The following KIAA1217 variants were observed in gnomAD, a reference collection of about 807,000 sequenced individuals.
The protein encoded by KIAA1217 is KIAA1217, also known as sickle tail protein homolog.
In KIAA1217, 88 loss-of-function variants were observed where a neutral mutation model predicts 163.9. That is an observed-to-expected ratio of 0.54 (90% CI 0.45 to 0.64). The LOEUF is 0.64. Among genes scored for constraint, KIAA1217 ranks in the 30% least tolerant of loss-of-function variants. The pLI is 0.00. For missense variants in KIAA1217, 2,372 were observed against 2,475.0 expected (o/e 0.96, Z 0.88); for synonymous variants, 903 against 923.1 (o/e 0.98, Z 0.39).
intron 2 of KIAA1217, chr10:24,275,864 A>G (rs2077229300): frequency 2.2e-6 from 1 of 445,588 alleles, no homozygotes; most frequent in Non-Finnish European, 4.5e-6. Context: ...GGAGCAAACT[A>G]TAGCAAGGGC....
chr10:24,205,231 C>T (rs1464249446), upstream of KIAA1217, among the ~76,000 whole-genome samples: 4 of 140,178 alleles, frequency 2.9e-5, no homozygotes, highest in East Asian at 2.2e-4. Flanking sequence ...CCAAGGTGGG[C>T]GAATTACCTG....
At chr10:23,832,077 A>G (rs1017363440) in intron 1 of KIAA1217, among the ~76,000 whole-genome samples, 2 of 152,050 alleles carry the variant, frequency 1.3e-5, no homozygotes, top group Non-Finnish European at 1.5e-5. Context: ...AGATAGTGTC[A>G]GATCTCTCAG....
chr10:23,827,683 T>C (rs1168215824), intron 1 of KIAA1217, among the ~76,000 whole-genome samples: 2 of 152,226 alleles, frequency 1.3e-5, no homozygotes, highest in East Asian at 3.9e-4. Context: ...GAGCAGGCTC[T>C]TGAATTCCTC....
intron 2 of KIAA1217, among the ~76,000 whole-genome samples, chr10:24,337,631 TTTTCTTTTCTTTTCTTTTC>T (rs1312991743): frequency 0.054 from 3,437 of 63,486 alleles, 182 homozygotes; most frequent in African/African-American, 0.18. Context: ...TTTTCTTTTC[TTTTCTTTTCTTTTCTTTTC>T]TTTTTTTTTT....
intron 2 of KIAA1217, among the ~76,000 whole-genome samples, chr10:24,009,866 A>T (rs1187724641): frequency 6.6e-6 from 1 of 152,096 alleles, no homozygotes; most frequent in African/African-American, 2.4e-5. Context: ...GCTCTCAAAG[A>T]CTTACTCTGT....
At position 24,381,022 on chromosome 10, in the gene KIAA1217, C is replaced by T. The variant is rs753949598; in HGVS notation, c.508C>T (p.Leu170Phe). The T allele has an allele frequency of 4.4e-6, 7 of 1,604,818 alleles. No individual in the cohort carries two copies. Among genetic ancestry groups the T allele is most frequent in the Non-Finnish European group, 6.0e-6 (7 of 1,174,716 alleles). The change falls in exon 3 of 21, where the codon CTT (leucine) becomes TTT (phenylalanine). Residue 170 changes from leucine to phenylalanine, a missense_variant. By Grantham distance (22) the Leu-to-Phe change is conservative. Coordinates refer to ENST00000376454, the MANE Select transcript of KIAA1217 (RefSeq NM_019590.5). ...CAGAGGCAGCCGGACTCGTGCGAGC[C>T]TTCCTGTGGTGAGGTCAACCAACCA... ...FSRGSRTRAS[L>F]PVVRSTNQTK...
At chr10:24,121,865 A>G (rs939446670) in intron 2 of KIAA1217, among the ~76,000 whole-genome samples, 1 of 152,112 alleles carries the variant, frequency 6.6e-6, no homozygotes, top group Non-Finnish European at 1.5e-5. Context: ...CCTTTATTAC[A>G]TACTCAATGA....
At chr10:24,292,458 C>T (rs2079173209) in intron 2 of KIAA1217, among the ~76,000 whole-genome samples, 1 of 152,158 alleles carries the variant, frequency 6.6e-6, no homozygotes, top group African/African-American at 2.4e-5. Flanking sequence ...TTGCCTCACT[C>T]ATCAGAAGTA....
chr10:24,397,106 CTCT>C (rs1221813740), intron 3 of KIAA1217, among the ~76,000 whole-genome samples: 5 of 138,246 alleles, frequency 3.6e-5, no homozygotes, highest in Admixed American at 2.2e-4. Flanking sequence ...ATGTAAGAAA[CTCT>C]TTTTTTTTTT....
At chr10:23,994,043 C>T (rs974871824) in intron 1 of KIAA1217, among the ~76,000 whole-genome samples, 17 of 152,160 alleles carry the variant, frequency 1.1e-4, no homozygotes, top group Non-Finnish European at 1.0e-4. Context: ...AGTACCAAGG[C>T]TTAGCGACTA....
chr10:23,934,557 G>T (rs1589105993), intron 1 of KIAA1217, among the ~76,000 whole-genome samples: 1 of 44,348 alleles, frequency 2.3e-5, no homozygotes, highest in Non-Finnish European at 3.9e-5. Flanking sequence ...GGTCTTTAAA[G>T]TATATATATA....
At chr10:24,274,237 GGCTCACACCTATAATCCCA>G (rs2077046068) in intron 2 of KIAA1217, among the ~76,000 whole-genome samples, 1 of 152,150 alleles carries the variant, frequency 6.6e-6, no homozygotes, top group Admixed American at 6.5e-5. Context: ...CAGGCACAAT[GGCTCACACCTATAATCCCA>G]GCATTTTGGG....
intron 1 of KIAA1217, among the ~76,000 whole-genome samples, chr10:23,935,129 A>G (rs559463369): frequency 1.3e-5 from 2 of 152,292 alleles, no homozygotes; most frequent in African/African-American, 4.8e-5. Flanking sequence ...TGAGTGATGT[A>G]CATAAGTACA....
chr10:24,510,782 C>G (rs1168038432), intron 9 of KIAA1217, among the ~76,000 whole-genome samples: 1 of 152,110 alleles, frequency 6.6e-6, no homozygotes, highest in African/African-American at 2.4e-5. Context: ...CTGCCACATC[C>G]CCGCAGTGAG....
At chr10:24,150,507 C>G (rs1006149250) in intron 2 of KIAA1217, among the ~76,000 whole-genome samples, 9 of 152,208 alleles carry the variant, frequency 5.9e-5, no homozygotes, top group Non-Finnish European at 1.0e-4. Flanking sequence ...TTGAAGCCAT[C>G]CTGGAGGAGT....
chr10:23,781,488 C>T (rs1366999291), intron 1 of KIAA1217, among the ~76,000 whole-genome samples: 1 of 152,138 alleles, frequency 6.6e-6, no homozygotes, highest in Non-Finnish European at 1.5e-5. Flanking sequence ...ACATTAACCC[C>T]TTATATAGAT....
rs571271011 is a variant in KIAA1217, at chr10:23,847,244, C to T, written c.-321+152010C>T. Among the ~76,000 whole-genome samples the T allele has an allele frequency of 2.0e-5, 3 of 152,192 alleles. No homozygotes were observed. In the South Asian group the frequency reaches 6.2e-4, roughly 32 times the overall value. The stretch of plus-strand genomic sequence containing the variant: ...GGTTTTGGTAACAGGATGATGCCGG[C>T]CTCATAAAATGAGTTAGGGAGGATC... On this transcript the variant is annotated intron_variant, in intron 1 of 18. Transcript: ENST00000376462.
intron 3 of KIAA1217, among the ~76,000 whole-genome samples, chr10:24,415,408 C>A (rs1257920848): frequency 6.6e-6 from 1 of 152,010 alleles, no homozygotes; most frequent in East Asian, 1.9e-4. Flanking sequence ...AGCCACCACA[C>A]CCAGCCACTT....
At chr10:24,523,388 T>TG (rs1321116944) in intron 12 of KIAA1217, among the ~76,000 whole-genome samples, 1 of 151,930 alleles carries the variant, frequency 6.6e-6, no homozygotes, top group Admixed American at 6.6e-5. Flanking sequence ...AACAAATCCT[T>TG]GGGGATCTCT....
Sources: gnomAD v4.1 joint callset for allele counts (sites outside exome capture counted in the v4.1 genomes callset) on GRCh38, gnomAD v4.1.1 for gene constraint, MANE v1.5 for transcripts, NCBI Gene and HGNC (gene_info 2026-07-23, HGNC 2026-07-21) for gene names.